Variants in PLXNC1 observed in about 807,000 individuals in gnomAD.
The protein encoded by PLXNC1 is plexin-C1.
PLXNC1 carries 75 observed loss-of-function variants against 178.2 expected under a neutral mutation model. The observed-to-expected ratio is 0.42, with a 90% CI of 0.35 to 0.51. The LOEUF (loss-of-function observed/expected upper bound fraction) is 0.51. Ranked by LOEUF, PLXNC1 falls within the 20% of genes least tolerant of loss-of-function variation. The probability of loss-of-function intolerance (pLI) is 0.02; values close to 1 mark genes in which losing one functional copy is unlikely to be tolerated. For missense variants in PLXNC1, 1,503 were observed against 1,984.4 expected, an observed-to-expected ratio of 0.76 and a Z score of 4.61; for synonymous variants, 790 against 779.9, an observed-to-expected ratio of 1.01 and a Z score of -0.22.
chr12:94,301,058 G>A lies in PLXNC1; in HGVS notation c.4386+1G>A. On this transcript the variant is annotated splice_donor_variant, in intron 28 of 30. Coordinates refer to ENST00000258526, the MANE Select transcript of PLXNC1 (RefSeq NM_005761.3). LOFTEE classifies it high-confidence loss of function. ...TCTCACAGAGCAGCAACTAGGGAAGGTAAGGCCCAGCTTGAGTATTTCTTG... is the reference window on the plus strand; with the variant it reads ...TCTCACAGAGCAGCAACTAGGGAAGATAAGGCCCAGCTTGAGTATTTCTTG... 1 of 1,613,452 alleles carries A rather than the reference G, an allele frequency of 6.2e-7. No individual in the cohort carries two copies.
Position 94,260,738 on chromosome 12 carries a change from G to A in PLXNC1, c.3348G>A (p.Gln1116=), listed in dbSNP as rs1472110910. 1 of 1,614,068 alleles carries A rather than the reference G, an allele frequency of 6.2e-7. No homozygotes were observed. Among genetic ancestry groups the A allele is most frequent in the African/African-American group, 1.3e-5 (1 of 74,930 alleles). ...TGCTGACCAGGGACTTGATGGAACAGTGTAGTAACATGCAGCCGAAACTCA... is the reference window on the plus strand; with the variant it reads ...TGCTGACCAGGGACTTGATGGAACAATGTAGTAACATGCAGCCGAAACTCA... ...LEVLTRDLME[Q]CSNMQPKLML... The change falls in exon 20 of 31, where the codon CAG becomes CAA. Residue 1116 remains glutamine (Q), a synonymous_variant. Transcript: ENST00000258526. This position sits in a 1 kb window ranked among gnomAD's most constrained non-coding sequence, Gnocchi z 4.4.
At chr12:94,216,948 A>G (rs1272360906) in intron 5 of PLXNC1, among the ~76,000 whole-genome samples, 1 of 152,134 alleles carries the variant, frequency 6.6e-6, no homozygotes. Context: ...GTTTCTTAGG[A>G]CGAAGCTTCA....
At chr12:94,279,223 A>G (rs771875835) in intron 21 of PLXNC1, among the ~76,000 whole-genome samples, 1 of 152,094 alleles carries the variant, frequency 6.6e-6, no homozygotes, top group Admixed American at 6.6e-5. Flanking sequence ...GTATATGTAT[A>G]TTTTACTCTC....
chr12:94,208,481 A>G (rs1229263009), intron 4 of PLXNC1, among the ~76,000 whole-genome samples: 2 of 152,244 alleles, frequency 1.3e-5, no homozygotes, highest in African/African-American at 4.8e-5. Flanking sequence ...TTAGGAAGCC[A>G]AATACACTGT....
At chr12:94,287,531 G>A (rs1362187594) in intron 23 of PLXNC1, among the ~76,000 whole-genome samples, 2 of 152,306 alleles carry the variant, frequency 1.3e-5, no homozygotes, top group East Asian at 3.9e-4. Context: ...GACAGGTGTT[G>A]GGCAGGAAAT....
intron 6 of PLXNC1, among the ~76,000 whole-genome samples, chr12:94,222,655 G>A (rs1963828367): frequency 6.6e-6 from 1 of 152,166 alleles, no homozygotes; most frequent in African/African-American, 2.4e-5. Context: ...TTTCCTAGAA[G>A]AAATCATGAA....
intron 9 of PLXNC1, among the ~76,000 whole-genome samples, chr12:94,236,081 A>C (rs760690122): frequency 3.9e-4 from 59 of 152,230 alleles, no homozygotes; most frequent in Non-Finnish European, 2.1e-4. Context: ...TCTAGCAGAT[A>C]ATTTCCCCCA....
At chr12:94,264,520 T>G (rs948417324) in intron 20 of PLXNC1, among the ~76,000 whole-genome samples, 1 of 131,904 alleles carries the variant, frequency 7.6e-6, no homozygotes, top group Non-Finnish European at 1.6e-5. Context: ...GGGCCTGGCC[T>G]GGCCCATGGA....
chr12:94,275,312 CAGG>C (rs531871957), intron 21 of PLXNC1, among the ~76,000 whole-genome samples: 2 of 152,318 alleles, frequency 1.3e-5, no homozygotes, highest in South Asian at 4.1e-4. Flanking sequence ...CTAAATAGGG[CAGG>C]AGAACATGCT....
At chr12:94,185,520 C>A (rs1461328987) in intron 3 of PLXNC1, among the ~76,000 whole-genome samples, 1 of 152,226 alleles carries the variant, frequency 6.6e-6, no homozygotes, top group Non-Finnish European at 1.5e-5. Context: ...CAGGCTCTGA[C>A]TGGCTGCCTA....
chr12:94,294,881 G>A (rs1349583277), intron 24 of PLXNC1, among the ~76,000 whole-genome samples: 1 of 152,158 alleles, frequency 6.6e-6, no homozygotes, highest in Non-Finnish European at 1.5e-5. Flanking sequence ...AACTGAGAGG[G>A]AAGAGTACAG....
At chr12:94,266,209 G>T (rs763415790) in intron 21 of PLXNC1, among the ~76,000 whole-genome samples, 1 of 152,194 alleles carries the variant, frequency 6.6e-6, no homozygotes, top group Admixed American at 6.5e-5. Context: ...GCCGTGGAGC[G>T]TGTTATGGTT....
In PLXNC1 at chr12:94,276,076, T is replaced by A. The variant is rs568237935; in HGVS notation, c.3598-3396T>A. ...AGTTAAGGGTGTTTTTTCTTTTGGT[T>A]ATGTTTTTAAAAAGAACATTTATTG... On this transcript the variant is annotated intron_variant, in intron 21 of 30. Coordinates refer to ENST00000258526, the MANE Select transcript of PLXNC1 (RefSeq NM_005761.3). 4.6e-5 allele frequency among the ~76,000 whole-genome samples: 7 copies of A among 152,348 alleles called. No individual in the cohort carries two copies. The South Asian group carries it at 1.4e-3, about 32-fold the overall frequency.
rs7978436 is a variant in PLXNC1 at position 94,178,563 on chromosome 12, C to T, written c.1204-2883C>T. On this transcript the variant is annotated intron_variant, in intron 2 of 30. Coordinates refer to ENST00000258526, the MANE Select transcript of PLXNC1 (RefSeq NM_005761.3). ...ATTAATACAGCTAATGAATTAGAGA[C>T]GGCAAATCCTGGCAAGCCCATACCT... 1.0e-2 allele frequency among the ~76,000 whole-genome samples: 1,518 copies of T among 152,326 alleles called. 19 individuals are homozygous for T. The highest frequency in any genetic ancestry group is 0.034 in the African/African-American group (1,421 of 41,554).
intron 2 of PLXNC1, among the ~76,000 whole-genome samples, chr12:94,176,194 C>G (rs1962043033): frequency 1.3e-5 from 2 of 152,158 alleles, no homozygotes; most frequent in African/African-American, 4.8e-5. Context: ...CTTCACTGAT[C>G]ATGTTCTTTT....
At chr12:94,170,465 G>A (rs1173627200) in intron 2 of PLXNC1, among the ~76,000 whole-genome samples, 1 of 151,764 alleles carries the variant, frequency 6.6e-6, no homozygotes, top group Non-Finnish European at 1.5e-5. Context: ...TCTTATTTAC[G>A]GCACCTTATG....
chr12:94,203,789 G>A (rs150518161), intron 4 of PLXNC1, among the ~76,000 whole-genome samples: 17 of 152,286 alleles, frequency 1.1e-4, no homozygotes, highest in East Asian at 9.6e-4. Context: ...AGGAAGGTGC[G>A]ATGGTTTGAA....
chr12:94,180,515 C>A (rs1962266039), intron 2 of PLXNC1, among the ~76,000 whole-genome samples: 1 of 152,112 alleles, frequency 6.6e-6, no homozygotes, highest in Non-Finnish European at 1.5e-5. Flanking sequence ...CTCTCCCTTC[C>A]CCATTTTGTT....
At chr12:94,171,995 C>T (rs1367485664) in intron 2 of PLXNC1, among the ~76,000 whole-genome samples, 29 of 152,208 alleles carry the variant, frequency 1.9e-4, no homozygotes, top group Admixed American at 1.8e-3. Context: ...TGAATTTACC[C>T]AGAATCCTGA....
Sources: allele counts gnomAD v4.1 joint callset (sites outside exome capture counted in the v4.1 genomes callset), GRCh38; gene constraint gnomAD v4.1.1; non-coding constraint Gnocchi (gnomAD v3.1); transcripts MANE v1.5; gene names NCBI Gene and HGNC (gene_info 2026-07-23, HGNC 2026-07-21).